Variants in CFAP299 observed in about 807,000 individuals in gnomAD.
CFAP299 encodes cilia- and flagella-associated protein 299.
CFAP299 carries 21 observed loss-of-function variants against 27.0 expected under a neutral mutation model. The observed-to-expected ratio is 0.78, with a 90% CI of 0.55 to 1.12. CFAP299 has a LOEUF of 1.12. Among genes scored for constraint, CFAP299 ranks in the 50% most tolerant of loss-of-function variants. The pLI is 0.00. For missense variants in CFAP299, 310 were observed against 276.6 expected (o/e 1.12, Z -0.86); for synonymous variants, 104 against 98.1 (o/e 1.06, Z -0.36).
chr4:80,334,081 G>A (rs1238150653), upstream of CFAP299, among the ~76,000 whole-genome samples: 1 of 152,154 alleles, frequency 6.6e-6, no homozygotes, highest in African/African-American at 2.4e-5. Flanking sequence ...CAGCCTCAGT[G>A]TTTTGAGTTA....
At chr4:80,893,522 A>C (rs1488988440) in intron 4 of CFAP299, among the ~76,000 whole-genome samples, 1 of 152,006 alleles carries the variant, frequency 6.6e-6, no homozygotes, top group Non-Finnish European at 1.5e-5. Flanking sequence ...AAACAGACAT[A>C]TAGACCAATG....
chr4:80,707,482 T>C (rs1339189400), intron 3 of CFAP299, among the ~76,000 whole-genome samples: 3 of 151,994 alleles, frequency 2.0e-5, no homozygotes, highest in Non-Finnish European at 2.9e-5. Flanking sequence ...GGTGCTCTCA[T>C]TACTGCTCAA....
chr4:80,845,670 A>T (rs1250840523), intron 3 of CFAP299, among the ~76,000 whole-genome samples: 1 of 152,044 alleles, frequency 6.6e-6, no homozygotes, highest in African/African-American at 2.4e-5. Flanking sequence ...TCTCAGGAAG[A>T]CCCTATTCAA....
In CFAP299 at chr4:80,823,757, G is replaced by C. The variant is rs1035528312; in HGVS notation, c.334-46236G>C. ...ACTGTTATAGCAATGCATGAAGTAA[G>C]TACTATCCTTATCCCCCTTTTCTAG... On this transcript the variant is annotated intron_variant, in intron 3 of 5. Coordinates refer to ENST00000358105, the MANE Select transcript of CFAP299 (RefSeq NM_152770.3). Among the ~76,000 whole-genome samples, 27 of 152,028 alleles carry C rather than the reference G, an allele frequency of 1.8e-4. 1 individual carries two copies. The highest frequency in any genetic ancestry group is 7.4e-5 in the Non-Finnish European group (5 of 67,952).
At chr4:80,532,673 G>T (rs1338809872) in intron 2 of CFAP299, among the ~76,000 whole-genome samples, 3 of 152,158 alleles carry the variant, frequency 2.0e-5, no homozygotes, top group Non-Finnish European at 2.9e-5. Flanking sequence ...TAGGGTCTGT[G>T]CCTGGCACAT....
In CFAP299 at chr4:80,336,635, C is replaced by G. The variant is rs1035314614; in HGVS notation, c.111+756C>G. ...TGTGCCACGGGAGAACCCGGACGCG[C>G]AGGAATTAACAAGTCATCAGTGCTA... On this transcript the variant is annotated intron_variant, in intron 1 of 5. Coordinates refer to ENST00000358105, the MANE Select transcript of CFAP299 (RefSeq NM_152770.3). 3.9e-5 allele frequency: 6 copies of G among 152,162 alleles called. No individual in the cohort carries two copies. In the East Asian group the frequency reaches 1.2e-3, roughly 29 times the overall value. 9.4% of individuals were successfully genotyped at this position (152,162 alleles called of 1,614,324 possible). A position where few individuals can be genotyped will look rare whatever the true frequency, so the allele number is the denominator to read the frequency against.
chr4:80,667,424 A>G (rs1741197127), intron 3 of CFAP299, among the ~76,000 whole-genome samples: 1 of 152,144 alleles, frequency 6.6e-6, no homozygotes, highest in African/African-American at 2.4e-5. Context: ...TCTATGAAAT[A>G]CTAGGTCTTA....
intron 2 of CFAP299, among the ~76,000 whole-genome samples, chr4:80,548,897 T>C (rs1050068632): frequency 1.3e-5 from 2 of 152,058 alleles, no homozygotes; most frequent in African/African-American, 4.8e-5. Context: ...GACATGACAT[T>C]AAAAGAGAAA....
intron 2 of CFAP299, among the ~76,000 whole-genome samples, chr4:80,479,845 TG>T (rs1730465323): frequency 6.6e-6 from 1 of 152,002 alleles, no homozygotes; most frequent in Non-Finnish European, 1.5e-5. Context: ...ATATTGGTCC[TG>T]AATTAAGTGG....
At chr4:80,898,939 A>C (rs1190652999) in intron 4 of CFAP299, among the ~76,000 whole-genome samples, 1 of 152,208 alleles carries the variant, frequency 6.6e-6, no homozygotes, top group Non-Finnish European at 1.5e-5. Flanking sequence ...GATTCCCAAA[A>C]TATAAGGGCT....
At chr4:80,681,340 G>A (rs1169459274) in intron 3 of CFAP299, among the ~76,000 whole-genome samples, 1 of 151,966 alleles carries the variant, frequency 6.6e-6, no homozygotes. Flanking sequence ...GAAGTTTAAC[G>A]AAGGATGAAA....
chr4:80,878,689 A>G (rs2110174323), intron 4 of CFAP299, among the ~76,000 whole-genome samples: 1 of 152,182 alleles, frequency 6.6e-6, no homozygotes, highest in South Asian at 2.1e-4. Context: ...TGCTTTCCAC[A>G]GTTATTTTCA....
chr4:80,788,640 T>G (rs956311772), intron 3 of CFAP299, among the ~76,000 whole-genome samples: 9 of 152,002 alleles, frequency 5.9e-5, no homozygotes, highest in African/African-American at 2.2e-4. Flanking sequence ...AAATGGTATC[T>G]TACTAGAGCT....
chr4:80,793,312 CTTTTCACGT>C (rs1727676735), intron 3 of CFAP299, among the ~76,000 whole-genome samples: 1 of 151,962 alleles, frequency 6.6e-6, no homozygotes, highest in Non-Finnish European at 1.5e-5. Context: ...CCAGTCTAGC[CTTTTCACGT>C]TTTTCTGCCT....
intron 3 of CFAP299, among the ~76,000 whole-genome samples, chr4:80,689,299 C>T (rs1451484021): frequency 6.6e-6 from 1 of 151,488 alleles, no homozygotes; most frequent in East Asian, 1.9e-4. Context: ...AGAGAAAGGT[C>T]GGGTTACCCT....
At chr4:80,570,937 G>C (rs2110234176) in intron 2 of CFAP299, among the ~76,000 whole-genome samples, 1 of 152,174 alleles carries the variant, frequency 6.6e-6, no homozygotes, top group South Asian at 2.1e-4. Context: ...ATGTGGAAAT[G>C]CTAAAGAAAC....
In CFAP299 at chr4:80,343,759, G is replaced by A. The variant is rs538046877; in HGVS notation, c.111+7880G>A. On this transcript the variant is annotated intron_variant, in intron 1 of 5. Transcript: ENST00000358105. ...AGCCGAGATTGCGCCACTGCAGTCC[G>A]CAGTCCGGTCCGGCCTGGGCGACAG... 1.3e-4 allele frequency among the ~76,000 whole-genome samples: 17 copies of A among 132,924 alleles called. No individual in the cohort carries two copies. In the East Asian group the frequency reaches 2.0e-3, roughly 16 times the overall value. 87.2% of individuals were successfully genotyped at this position (132,924 alleles called of 152,430 possible). A position where few individuals can be genotyped will look rare whatever the true frequency, so the allele number is the denominator to read the frequency against.
At chr4:80,368,208 A>G (rs897962) in intron 2 of CFAP299, among the ~76,000 whole-genome samples, 128,701 of 152,170 alleles carry the variant, frequency 0.85, 54,615 homozygotes, top group African/African-American at 0.91. Context: ...ACTATTAGAT[A>G]AGTCTTTGGG....
At chr4:80,856,505 T>G (rs1463531331) in intron 3 of CFAP299, among the ~76,000 whole-genome samples, 1 of 152,046 alleles carries the variant, frequency 6.6e-6, no homozygotes, top group Non-Finnish European at 1.5e-5. Context: ...TGGTAATGCC[T>G]AGGTTTTCTT....
Sources: gnomAD v4.1 joint callset for allele counts (sites outside exome capture counted in the v4.1 genomes callset) on GRCh38, gnomAD v4.1.1 for gene constraint, MANE v1.5 for transcripts, NCBI Gene and HGNC (gene_info 2026-07-23, HGNC 2026-07-21) for gene names.